The following APBA1 variants were observed in gnomAD, a reference collection of about 807,000 sequenced individuals.
APBA1 encodes the protein amyloid-beta A4 precursor protein-binding family A member 1.
APBA1 carries 55 observed loss-of-function variants against 86.6 expected under a neutral mutation model. The ratio of observed to expected loss-of-function variants is 0.64; its 90% CI spans 0.51 to 0.80. The LOEUF (loss-of-function observed/expected upper bound fraction) is 0.80, where lower values mean the gene tolerates loss of function less well. APBA1 is among the 30% of genes least tolerant of loss of function. APBA1 has a pLI of 0.00. For synonymous variants in APBA1, 511 were observed against 493.9 expected, an observed-to-expected ratio of 1.03 and a Z score of -0.46; for missense variants, 1,090 against 1,183.0, an observed-to-expected ratio of 0.92 and a Z score of 1.15.
intron 1 of APBA1, among the ~76,000 whole-genome samples, chr9:69,645,959 C>T (rs1023267416): frequency 2.0e-5 from 3 of 152,198 alleles, no homozygotes; most frequent in African/African-American, 4.8e-5. Flanking sequence ...AGAACTCTGA[C>T]TGATACACCT....
intron 1 of APBA1, among the ~76,000 whole-genome samples, chr9:69,615,213 A>G (rs1822676302): frequency 3.9e-5 from 6 of 152,354 alleles, no homozygotes; most frequent in African/African-American, 1.4e-4. Flanking sequence ...AAATAAAATA[A>G]GAGACAATTT....
chr9:69,450,056 G>GTTTT (rs58417611), intron 9 of APBA1, among the ~76,000 whole-genome samples: 2,354 of 94,034 alleles, frequency 0.025, 202 homozygotes, highest in African/African-American at 0.099. Flanking sequence ...AGGACCACCA[G>GTTTT]TTTTTTTTTT....
intron 1 of APBA1, among the ~76,000 whole-genome samples, chr9:69,654,141 G>A (rs2134018680): frequency 1.4e-5 from 2 of 146,480 alleles, no homozygotes; most frequent in Middle Eastern, 7.4e-3. Context: ...AAAGAGGGAA[G>A]TTTATAGTAA....
intron 1 of APBA1, among the ~76,000 whole-genome samples, chr9:69,620,256 C>T (rs1356470839): frequency 6.6e-6 from 1 of 152,170 alleles, no homozygotes; most frequent in East Asian, 1.9e-4. Flanking sequence ...CGCATTTTCC[C>T]CCTGCAAATT....
intron 1 of APBA1, among the ~76,000 whole-genome samples, chr9:69,564,134 T>C (rs1836989841): frequency 6.6e-6 from 1 of 152,192 alleles, no homozygotes; most frequent in Admixed American, 6.5e-5. Context: ...ACCTCTCGGT[T>C]TCAGGATCAC....
At chr9:69,492,161 G>A (rs1228008910) in intron 2 of APBA1, among the ~76,000 whole-genome samples, 1 of 152,072 alleles carries the variant, frequency 6.6e-6, no homozygotes, top group Non-Finnish European at 1.5e-5. Context: ...CCAGCGTCTG[G>A]CAGATCAGAG....
intron 10 of APBA1, among the ~76,000 whole-genome samples, chr9:69,444,127 G>C (rs986994592): frequency 6.6e-6 from 1 of 152,136 alleles, no homozygotes; most frequent in Admixed American, 6.5e-5. Flanking sequence ...TGCAGGACTT[G>C]AGCCTCCCCA....
chr9:69,560,598 G>A (rs948467802), intron 1 of APBA1, among the ~76,000 whole-genome samples: 6 of 152,208 alleles, frequency 3.9e-5, no homozygotes, highest in African/African-American at 7.2e-5. Flanking sequence ...TGCATGTAAA[G>A]TACTTGGCAC....
chr9:69,601,270 T>C (rs1822345531), intron 1 of APBA1, among the ~76,000 whole-genome samples: 1 of 152,206 alleles, frequency 6.6e-6, no homozygotes. Context: ...ATAGTTGAGA[T>C]ACAATAAAGA....
At chr9:69,649,974 C>T (rs1418802282) in intron 1 of APBA1, among the ~76,000 whole-genome samples, 2 of 152,182 alleles carry the variant, frequency 1.3e-5, no homozygotes, top group Non-Finnish European at 2.9e-5. Flanking sequence ...ACTGCTACAG[C>T]TTTAATCCAA....
chr9:69,626,876 C>A (rs905466238), intron 1 of APBA1, among the ~76,000 whole-genome samples: 2 of 151,288 alleles, frequency 1.3e-5, no homozygotes, highest in African/African-American at 4.9e-5. Flanking sequence ...AATCCTGAGG[C>A]CAGTGGGAGA....
intron 1 of APBA1, among the ~76,000 whole-genome samples, chr9:69,558,827 A>G (rs986792691): frequency 1.1e-4 from 16 of 152,110 alleles, no homozygotes; most frequent in African/African-American, 3.6e-4. Flanking sequence ...GGCAACATAC[A>G]GTATTTGATT....
chr9:69,455,272 G>A (rs1835076458), intron 8 of APBA1, among the ~76,000 whole-genome samples: 2 of 152,130 alleles, frequency 1.3e-5, no homozygotes, highest in African/African-American at 4.8e-5. Context: ...GGAAAAATGA[G>A]CACAGTCAAA....
At chr9:69,530,358 A>ACG (rs1836411615) in intron 1 of APBA1, among the ~76,000 whole-genome samples, 3 of 148,024 alleles carry the variant, frequency 2.0e-5, no homozygotes, top group South Asian at 4.2e-4. Context: ...ACACACACAC[A>ACG]TGCAACACTA....
intron 1 of APBA1, among the ~76,000 whole-genome samples, chr9:69,561,985 T>C (rs1224590945): frequency 6.6e-6 from 1 of 152,174 alleles, no homozygotes; most frequent in African/African-American, 2.4e-5. Context: ...TTCTACTATT[T>C]GATTGCTAGC....
At chr9:69,525,601 G>T (rs1286973097) in intron 1 of APBA1, among the ~76,000 whole-genome samples, 1 of 151,752 alleles carries the variant, frequency 6.6e-6, no homozygotes, top group Non-Finnish European at 1.5e-5. Context: ...CAAACAAAGG[G>T]TAAAATGGAT....
chr9:69,531,773 G>A (rs1342760019), intron 1 of APBA1, among the ~76,000 whole-genome samples: 1 of 152,160 alleles, frequency 6.6e-6, no homozygotes, highest in Non-Finnish European at 1.5e-5. Context: ...AGGAGGAGTT[G>A]GAAGAGGAAA....
chr9:69,601,263 G>A (rs1288573946), intron 1 of APBA1, among the ~76,000 whole-genome samples: 3 of 152,086 alleles, frequency 2.0e-5, no homozygotes, highest in Non-Finnish European at 4.4e-5. Context: ...TCTCAACATA[G>A]TTGAGATACA....
intron 12 of APBA1, 108 bp from the exon 13 acceptor site, chr9:69,431,506 G>T: frequency 1.1e-6 from 1 of 942,528 alleles, no homozygotes; most frequent in Non-Finnish European, 1.6e-6. Flanking sequence ...AGAGGGCTTT[G>T]AAGATACTCC....
Sources: allele counts gnomAD v4.1 joint callset (sites outside exome capture counted in the v4.1 genomes callset), GRCh38; gene constraint gnomAD v4.1.1; transcripts MANE v1.5; gene names NCBI Gene and HGNC (gene_info 2026-07-23, HGNC 2026-07-21).